The following CNOT10 variants were observed in gnomAD, a reference collection of about 807,000 sequenced individuals.
CNOT10 encodes CCR4-NOT transcription complex subunit 10.
A neutral mutation model predicts 94.6 loss-of-function variants in CNOT10; 30 were observed. The ratio of observed to expected loss-of-function variants is 0.32; its 90% CI spans 0.24 to 0.43. CNOT10 has a LOEUF of 0.43. Ranked by LOEUF, CNOT10 falls within the 20% of genes least tolerant of loss-of-function variation. CNOT10 has a pLI of 1.00. For missense variants in CNOT10, 759 were observed against 877.2 expected (o/e 0.87, Z 1.70); for synonymous variants, 289 against 301.6 (o/e 0.96, Z 0.43).
intron 1 of CNOT10, among the ~76,000 whole-genome samples, chr3:32,686,509 A>T (rs916300039): frequency 3.3e-5 from 5 of 152,188 alleles, no homozygotes; most frequent in African/African-American, 1.2e-4. Context: ...GAAGAAAAAC[A>T]ACAGAACAAA....
chr3:32,752,915 G>A (rs1700026621), intron 13 of CNOT10: 12 of 394,342 alleles, frequency 3.0e-5, no homozygotes, highest in South Asian at 2.2e-4. Flanking sequence ...CGAGGATGGC[G>A]GAAGCTGCAG....
rs780440773 is a variant in CNOT10 at position 32,773,507 on chromosome 3, G to A, written c.2131G>A (p.Ala711Thr). 8 of 1,613,990 alleles carry A rather than the reference G, an allele frequency of 5.0e-6. No individual in the cohort carries two copies. In the South Asian group the frequency reaches 7.7e-5, roughly 16 times the overall value. The change falls in exon 19 of 19, where the codon GCA (alanine) becomes ACA (threonine). Residue 711 changes from alanine (A) to threonine (T), a missense_variant. Transcript: ENST00000328834. ...QIIKRNQLLP[A>T]VKTHSEVRKK... ...CATCAAAAGGAATCAGCTGCTCCCT[G>A]CAGTGAAAACACACTCTGAAGTGAG...
At chr3:32,752,289 CA>C (rs766064390) in intron 13 of CNOT10, among the ~76,000 whole-genome samples, 211 of 135,626 alleles carry the variant, frequency 1.6e-3, no homozygotes, top group Middle Eastern at 3.7e-3. Flanking sequence ...AACTCCGTCT[CA>C]AAAAAAAAAA....
chr3:32,704,121 T>G (rs112206246), intron 2 of CNOT10, among the ~76,000 whole-genome samples, 159 bp downstream of exon 2: 47 of 152,310 alleles, frequency 3.1e-4, no homozygotes, highest in African/African-American at 8.9e-4. Flanking sequence ...TGTTTTAGAG[T>G]TTAAATATGG....
intron 17 of CNOT10, among the ~76,000 whole-genome samples, chr3:32,767,476 G>T (rs574166576): frequency 1.5e-5 from 2 of 134,066 alleles, no homozygotes; most frequent in Non-Finnish European, 3.0e-5. Flanking sequence ...CCGAGATCGC[G>T]CCATTGCACT....
In CNOT10 at chr3:32,695,017, G is replaced by A. The variant is rs192930038; in HGVS notation, c.23-8851G>A. Among the ~76,000 whole-genome samples, 3 of 152,284 alleles carry A rather than the reference G, an allele frequency of 2.0e-5. No homozygotes were observed. The East Asian group carries it at 5.8e-4, about 29-fold the overall frequency. On this transcript the variant is annotated intron_variant, in intron 1 of 18. Transcript: ENST00000328834. Reference sequence around the variant, plus strand: ...TGGGATTACAAGCCTGAGCCACCGTGCTGGCCATGCTGATATTATTGATTT... The same window carrying A: ...TGGGATTACAAGCCTGAGCCACCGTACTGGCCATGCTGATATTATTGATTT...
intron 13 of CNOT10, among the ~76,000 whole-genome samples, chr3:32,754,351 C>T (rs1237695759): frequency 2.8e-5 from 4 of 144,264 alleles, no homozygotes; most frequent in African/African-American, 5.1e-5. Context: ...GTGGCGGGCA[C>T]CTGTAGTCCC....
chr3:32,691,611 T>C (rs1395686604), intron 1 of CNOT10, among the ~76,000 whole-genome samples: 1 of 152,216 alleles, frequency 6.6e-6, no homozygotes, highest in Non-Finnish European at 1.5e-5. Flanking sequence ...GCTATGACTT[T>C]TAATGTTGAA....
At chr3:32,735,794 A>G (rs1050115055) in intron 12 of CNOT10, among the ~76,000 whole-genome samples, 1 of 152,096 alleles carries the variant, frequency 6.6e-6, no homozygotes, top group African/African-American at 2.4e-5. Context: ...CTCTTAATAT[A>G]CTATAATCAC....
At chr3:32,741,768 C>CAAAAAAAAAA (rs529423159) in intron 13 of CNOT10, among the ~76,000 whole-genome samples, 167 of 86,472 alleles carry the variant, frequency 1.9e-3, no homozygotes, top group African/African-American at 7.2e-3. Flanking sequence ...GACTCCGTCT[C>CAAAAAAAAAA]AAAAAAAAAA....
intron 10 of CNOT10, 132 bp downstream of exon 10, chr3:32,728,002 T>G: frequency 2.4e-5 from 8 of 327,070 alleles, no homozygotes; most frequent in South Asian, 4.1e-5. Context: ...TTTATTTATT[T>G]ATTTATTTTT....
chr3:32,735,675 C>T (rs1322669579), intron 12 of CNOT10, among the ~76,000 whole-genome samples: 1 of 152,138 alleles, frequency 6.6e-6, no homozygotes, highest in Non-Finnish European at 1.5e-5. Flanking sequence ...CCACTGCACT[C>T]CATCCAGCCT....
intron 13 of CNOT10, among the ~76,000 whole-genome samples, chr3:32,754,727 A>T (rs1364561400): frequency 2.0e-5 from 3 of 147,574 alleles, no homozygotes; most frequent in Non-Finnish European, 4.5e-5. Flanking sequence ...TCGCCATGTT[A>T]GTCAGGCTGG....
rs1697494650 is a variant in CNOT10 at position 32,703,980 on chromosome 3, T to G, written c.117+18T>G. ...CTTTCACAGTAAGAAATGGCTTCTC[T>G]TAGTCTGCTCAAGTTGTAGGGTTCT... On this transcript the variant is annotated intron_variant, in intron 2 of 18. Transcript: ENST00000328834. 2.0e-6 allele frequency: 3 copies of G among 1,516,274 alleles called. No homozygotes were observed. The highest frequency in any genetic ancestry group is 2.7e-6 in the Non-Finnish European group (3 of 1,091,974). 93.9% of individuals were successfully genotyped at this position (1,516,274 alleles called of 1,614,324 possible). A position where few individuals can be genotyped will look rare whatever the true frequency, so the allele number is the denominator to read the frequency against.
At chr3:32,694,051 T>G (rs1173333527) in intron 1 of CNOT10, among the ~76,000 whole-genome samples, 1 of 152,100 alleles carries the variant, frequency 6.6e-6, no homozygotes, top group African/African-American at 2.4e-5. Context: ...TACAAAAATT[T>G]TGTCTTTTTA....
chr3:32,697,230 G>A (rs1180012171), intron 1 of CNOT10, among the ~76,000 whole-genome samples: 6 of 152,138 alleles, frequency 3.9e-5, no homozygotes, highest in Admixed American at 2.0e-4. Flanking sequence ...GATTATAGGC[G>A]TGAGCCACCA....
chr3:32,717,214 T>C lies in CNOT10; in HGVS notation c.721T>C (p.Ser241Pro). The C allele has an allele frequency of 6.2e-7, 1 of 1,608,752 alleles. No individual in the cohort carries two copies. Among genetic ancestry groups the C allele is most frequent in the Non-Finnish European group, 8.5e-7 (1 of 1,176,572 alleles). ...GAAAGCATGTAAAAGGGAAATCAAG[T>C]CAGTCATGAATACAGCTGGAAATGT... is the stretch of plus-strand genomic sequence containing the variant. Reference protein sequence around the residue: ...SLKACKREIKSVMNTAGNSAP... With the variant: ...SLKACKREIKPVMNTAGNSAP... Residue 241 changes from serine to proline, a missense_variant, in exon 7 of 19, where the codon TCA becomes CCA. Around this residue, in one of 3 missense-constraint regions of CNOT10, gnomAD observed 682 missense variants for 799.4 expected, o/e 0.85. Coordinates refer to ENST00000328834, the MANE Select transcript of CNOT10 (RefSeq NM_015442.3).
chr3:32,710,880 C>T (rs1316045226), intron 4 of CNOT10, among the ~76,000 whole-genome samples: 4 of 152,124 alleles, frequency 2.6e-5, no homozygotes, highest in Non-Finnish European at 2.9e-5. Context: ...GCCACCACAC[C>T]CAGCTAATTT....
chr3:32,709,066 G>A (rs529236162), intron 4 of CNOT10, among the ~76,000 whole-genome samples: 19 of 152,324 alleles, frequency 1.2e-4, no homozygotes, highest in South Asian at 1.0e-3. Context: ...ACTTAGTGAT[G>A]TTTGTGGGGT....
Sources: gnomAD v4.1 joint callset for allele counts (sites outside exome capture counted in the v4.1 genomes callset) on GRCh38, gnomAD v4.1.1 for gene constraint, gnomAD v4.1.1 regional missense constraint, MANE v1.5 for transcripts, NCBI Gene and HGNC (gene_info 2026-07-23, HGNC 2026-07-21) for gene names.